JARID2: variants seen among roughly 807,000 people sequenced by gnomAD.
JARID2 encodes the protein protein Jumonji.
Under a neutral mutation model 125.6 loss-of-function variants are expected in JARID2, and 21 were observed. The ratio of observed to expected loss-of-function variants is 0.17; its 90% CI spans 0.12 to 0.24. JARID2 has a LOEUF of 0.24. Ranked by LOEUF, JARID2 falls within the 10% of genes least tolerant of loss-of-function variation. JARID2 has a pLI of 1.00. For synonymous variants in JARID2, 736 were observed against 661.6 expected (o/e 1.11, Z -1.73); for missense variants, 1,303 against 1,639.6 (o/e 0.79, Z 3.55).
intron 5 of JARID2, among the ~76,000 whole-genome samples, chr6:15,485,977 G>A (rs538554809): frequency 1.1e-4 from 16 of 152,318 alleles, no homozygotes; most frequent in Non-Finnish European, 1.9e-4. Flanking sequence ...GCTGCTGTGG[G>A]GGTGAGGGAA....
intron 4 of JARID2, among the ~76,000 whole-genome samples, chr6:15,457,043 C>G (rs1264873959): frequency 6.6e-6 from 1 of 152,118 alleles, no homozygotes; most frequent in East Asian, 1.9e-4. Flanking sequence ...GACTATTTTA[C>G]TGAGCATTCT....
intron 3 of JARID2, among the ~76,000 whole-genome samples, chr6:15,417,514 G>A (rs758931580): frequency 2.0e-5 from 3 of 152,152 alleles, no homozygotes; most frequent in Admixed American, 6.5e-5. Context: ...GAGGCCGGCC[G>A]GCCACTTGAA....
At chr6:15,436,099 T>C (rs1767189322) in intron 3 of JARID2, among the ~76,000 whole-genome samples, 2 of 152,122 alleles carry the variant, frequency 1.3e-5, no homozygotes, top group Non-Finnish European at 2.9e-5. Flanking sequence ...AGTCCCAGTG[T>C]GCATGTGTTA....
At chr6:15,500,540 C>A (rs1770683268) in intron 7 of JARID2, among the ~76,000 whole-genome samples, 2 of 152,158 alleles carry the variant, frequency 1.3e-5, no homozygotes, top group South Asian at 4.1e-4. Context: ...CTCATGACAC[C>A]CGCCTCCATG....
chr6:15,519,453 G>A (rs1014405204), intron 17 of JARID2, among the ~76,000 whole-genome samples: 1 of 151,998 alleles, frequency 6.6e-6, no homozygotes, highest in South Asian at 2.1e-4. Context: ...CTCCTGCCAG[G>A]GTCAGCATGG....
chr6:15,461,576 C>T (rs556450126), intron 4 of JARID2, among the ~76,000 whole-genome samples: 9 of 152,316 alleles, frequency 5.9e-5, no homozygotes, highest in Non-Finnish European at 1.2e-4. Context: ...TTTTCATCCC[C>T]TGTCTCCCAG....
chr6:15,285,687 C>T (rs1399069882), intron 1 of JARID2, among the ~76,000 whole-genome samples: 3 of 152,018 alleles, frequency 2.0e-5, no homozygotes, highest in Non-Finnish European at 2.9e-5. Context: ...ACATGTTCCC[C>T]AATAAACGAG....
At chr6:15,484,622 A>G (rs1437339095) in intron 5 of JARID2, among the ~76,000 whole-genome samples, 1 of 152,212 alleles carries the variant, frequency 6.6e-6, no homozygotes, top group Non-Finnish European at 1.5e-5. Flanking sequence ...GCTATTCCCC[A>G]GTCTATAGAT....
At chr6:15,481,673 C>T (rs968831220) in intron 5 of JARID2, among the ~76,000 whole-genome samples, 4 of 152,152 alleles carry the variant, frequency 2.6e-5, no homozygotes, top group Non-Finnish European at 5.9e-5. Context: ...ATTTGACTTT[C>T]TGGCTATGTT....
chr6:15,504,132 G>A (rs559948934), intron 8 of JARID2, among the ~76,000 whole-genome samples: 3 of 144,270 alleles, frequency 2.1e-5, no homozygotes, highest in Admixed American at 6.9e-5. Context: ...CCGCTGGCCC[G>A]CAGCAGCCTT....
intron 1 of JARID2, among the ~76,000 whole-genome samples, chr6:15,339,453 A>T (rs1762991250): frequency 6.6e-6 from 1 of 152,094 alleles, no homozygotes; most frequent in South Asian, 2.1e-4. Context: ...TAAAAAAGAG[A>T]GAAGATGCAG....
At chr6:15,300,714 TGTGTGTGTGAGAGAGAGA>T (rs1383225315) in intron 1 of JARID2, among the ~76,000 whole-genome samples, 4 of 139,952 alleles carry the variant, frequency 2.9e-5, no homozygotes, top group African/African-American at 1.1e-4. Context: ...TGTGTGTGTG[TGTGTGTGTGAGAGAGAGA>T]GAGAGAGAGA....
intron 3 of JARID2, among the ~76,000 whole-genome samples, chr6:15,416,276 C>T (rs1469461415): frequency 6.6e-5 from 10 of 152,144 alleles, no homozygotes; most frequent in Non-Finnish European, 8.8e-5. Context: ...TCTCACTTCC[C>T]AGACGGGGTG....
At chr6:15,513,161 T>C in intron 15 of JARID2, 78 bp from the exon 16 acceptor site, 1 of 1,506,884 alleles carries the variant, frequency 6.6e-7, no homozygotes, top group Non-Finnish European at 8.9e-7. Context: ...GAGGCCGGTG[T>C]GGGGTGCGTG....
chr6:15,412,117 G>A (rs1240126981), intron 3 of JARID2, among the ~76,000 whole-genome samples: 1 of 152,208 alleles, frequency 6.6e-6, no homozygotes, highest in Non-Finnish European at 1.5e-5. Context: ...AATTATTAAT[G>A]TGTCAAGTAT....
At chr6:15,363,913 T>C (rs1285099344) in intron 1 of JARID2, among the ~76,000 whole-genome samples, 2 of 152,198 alleles carry the variant, frequency 1.3e-5, no homozygotes, top group Non-Finnish European at 2.9e-5. Flanking sequence ...GAGACAACTT[T>C]ATCTGTTTCT....
intron 1 of JARID2, among the ~76,000 whole-genome samples, chr6:15,284,132 C>T (rs972780555): frequency 3.3e-5 from 5 of 152,014 alleles, no homozygotes; most frequent in Middle Eastern, 3.2e-3. Flanking sequence ...GCCAAGAATA[C>T]GAAAATGTTC....
intron 1 of JARID2, among the ~76,000 whole-genome samples, chr6:15,310,860 G>A (rs1378831646): frequency 6.6e-6 from 1 of 152,186 alleles, no homozygotes; most frequent in Non-Finnish European, 1.5e-5. Context: ...GCTGACTTTG[G>A]TTTGTGGGCT....
intron 1 of JARID2, among the ~76,000 whole-genome samples, chr6:15,326,988 G>A (rs972848882): frequency 3.7e-4 from 56 of 152,286 alleles, no homozygotes; most frequent in Admixed American, 9.2e-4. Context: ...CCTTTAATTT[G>A]TTGTTCTTGA....
Sources: allele counts gnomAD v4.1 joint callset (sites outside exome capture counted in the v4.1 genomes callset), GRCh38; gene constraint gnomAD v4.1.1; transcripts MANE v1.5; gene names NCBI Gene and HGNC (gene_info 2026-07-23, HGNC 2026-07-21).